The following CREB3L2 variants were observed in gnomAD, a reference collection of about 807,000 sequenced individuals.
CREB3L2 encodes cyclic AMP-responsive element-binding protein 3-like protein 2.
In CREB3L2, 23 loss-of-function variants were observed where a neutral mutation model predicts 57.2. The observed-to-expected ratio is 0.40, with a 90% CI of 0.29 to 0.57. The LOEUF is 0.57. Ranked by LOEUF, CREB3L2 falls within the 20% of genes least tolerant of loss-of-function variation. The pLI is 0.42. For missense variants in CREB3L2, 628 were observed against 634.7 expected, an observed-to-expected ratio of 0.99 and a Z score of 0.11; for synonymous variants, 268 against 265.1, an observed-to-expected ratio of 1.01 and a Z score of -0.11.
At chr7:137,942,527 A>G (rs902619827) in intron 1 of CREB3L2, among the ~76,000 whole-genome samples, 1 of 152,194 alleles carries the variant, frequency 6.6e-6, no homozygotes, top group Non-Finnish European at 1.5e-5. Context: ...TGGAGCTTCA[A>G]TTCTTCAACT....
rs1802086543 is a variant in CREB3L2, at chr7:138,001,913, A to T, written c.-208T>A. On this transcript the variant is annotated 5_prime_UTR_variant, in exon 1 of 12. Coordinates refer to ENST00000330387, the MANE Select transcript of CREB3L2 (RefSeq NM_194071.4). This position sits in a 1 kb window ranked among gnomAD's most constrained non-coding sequence, Gnocchi z 4.2. ...CCCGTCCGGTGTCCTCGGAGATCCGAGAATCCCCAGGGACACGAGCCGGAC... is the reference window on the plus strand; with the variant it reads ...CCCGTCCGGTGTCCTCGGAGATCCGTGAATCCCCAGGGACACGAGCCGGAC... 2.2e-6 allele frequency: 1 copy of T among 455,938 alleles called. No individual in the cohort carries two copies. Among genetic ancestry groups the T allele is most frequent in the African/African-American group, 2.0e-5 (1 of 49,448 alleles). 28.2% of individuals were successfully genotyped at this position (455,938 alleles called of 1,614,324 possible). A position where few individuals can be genotyped will look rare whatever the true frequency, so the allele number is the denominator to read the frequency against.
chr7:137,909,117 G>T (rs967781075), intron 4 of CREB3L2, among the ~76,000 whole-genome samples: 1 of 152,162 alleles, frequency 6.6e-6, no homozygotes, highest in East Asian at 1.9e-4. Flanking sequence ...CGGAGTGGCT[G>T]CTTTGAAAAA....
At chr7:137,954,059 C>T (rs1018151373) in intron 1 of CREB3L2, among the ~76,000 whole-genome samples, 1 of 152,126 alleles carries the variant, frequency 6.6e-6, no homozygotes, top group Non-Finnish European at 1.5e-5. Context: ...GAGAGGCTAC[C>T]TCTCTGCATG....
intron 1 of CREB3L2, among the ~76,000 whole-genome samples, chr7:137,943,820 C>T (rs1250750303): frequency 1.3e-5 from 2 of 152,108 alleles, no homozygotes; most frequent in Non-Finnish European, 2.9e-5. Context: ...TGGTAACATC[C>T]CCCTTTCCCA....
chr7:137,928,476 C>T, intron 1 of CREB3L2, 110 bp from the exon 2 acceptor site: 1 of 833,090 alleles, frequency 1.2e-6, no homozygotes, highest in Non-Finnish European at 2.0e-6. Context: ...GTCCCTTCTA[C>T]ACACACAATG....
At chr7:137,898,247 AG>A (rs1799667059) in intron 8 of CREB3L2, among the ~76,000 whole-genome samples, 2 of 152,258 alleles carry the variant, frequency 1.3e-5, no homozygotes, top group Non-Finnish European at 2.9e-5. Flanking sequence ...ATTATAAAAA[AG>A]ACAAGGCGCG....
chr7:137,902,691 T>C (rs1799789019), intron 7 of CREB3L2, among the ~76,000 whole-genome samples: 1 of 152,208 alleles, frequency 6.6e-6, no homozygotes, highest in Admixed American at 6.5e-5. Flanking sequence ...CTCCAGTATA[T>C]GTTAATCATC....
chr7:137,903,485 G>T (rs992790802), intron 7 of CREB3L2, among the ~76,000 whole-genome samples: 14 of 147,808 alleles, frequency 9.5e-5, no homozygotes, highest in Non-Finnish European at 2.1e-4. Flanking sequence ...AAGTGTTTTT[G>T]CAAAAAAAAA....
chr7:137,899,153 G>GAAGGAAGA (rs1563244078), intron 8 of CREB3L2, among the ~76,000 whole-genome samples: 2 of 110,592 alleles, frequency 1.8e-5, no homozygotes, highest in Admixed American at 1.0e-4. Context: ...AGGAAGGAAG[G>GAAGGAAGA]AAGGAAGGAA....
At chr7:137,906,678 C>T (rs1400098626) in intron 5 of CREB3L2, among the ~76,000 whole-genome samples, 3 of 152,176 alleles carry the variant, frequency 2.0e-5, no homozygotes, top group Admixed American at 2.0e-4. Context: ...ATAATTCCCA[C>T]GTGTTGTGGG....
At chr7:137,954,810 G>A (rs1240034276) in intron 1 of CREB3L2, among the ~76,000 whole-genome samples, 1 of 152,162 alleles carries the variant, frequency 6.6e-6, no homozygotes, top group Non-Finnish European at 1.5e-5. Flanking sequence ...TGGTTGTAAA[G>A]TTCCACATCC....
chr7:137,986,920 C>T (rs1801801929), intron 1 of CREB3L2, among the ~76,000 whole-genome samples: 2 of 152,342 alleles, frequency 1.3e-5, no homozygotes, highest in South Asian at 2.1e-4. Context: ...TGCCTTAGAA[C>T]ATGATGCCTC....
rs1198017360 is a variant in CREB3L2 at position 137,878,975 on chromosome 7, A to G, written c.*1501T>C. On this transcript the variant is annotated 3_prime_UTR_variant, in exon 12 of 12. Coordinates refer to ENST00000330387, the MANE Select transcript of CREB3L2 (RefSeq NM_194071.4). ...AGAGAGAGAGGGAGAGAGAGAAGCC[A>G]AAACCAAAGGCATTTCAGCTGCTAA... 2.4e-6 allele frequency: 1 copy of G among 416,510 alleles called. No homozygotes were observed. Among genetic ancestry groups the G allele is most frequent in the African/African-American group, 2.0e-5 (1 of 49,304 alleles). The allele number at this position is 416,510 out of a possible 1,614,324, so 25.8% of individuals were successfully genotyped here.
At chr7:137,948,182 T>TA (rs1431715274) in intron 1 of CREB3L2, among the ~76,000 whole-genome samples, 4 of 152,238 alleles carry the variant, frequency 2.6e-5, no homozygotes, top group African/African-American at 9.6e-5. Flanking sequence ...TCAGCTAAGA[T>TA]ATATTCAAAA....
At chr7:137,889,250 C>A (rs1191085819) in intron 8 of CREB3L2, among the ~76,000 whole-genome samples, 1 of 152,138 alleles carries the variant, frequency 6.6e-6, no homozygotes, top group Non-Finnish European at 1.5e-5. Context: ...ACCTGAAGCC[C>A]ACTGAAAGAA....
rs901500034 is a variant in CREB3L2, at chr7:137,888,745, C to T, written c.1044-3243G>A. On this transcript the variant is annotated intron_variant, in intron 8 of 11. Transcript: ENST00000330387. ...AGCTATGAAAAGCGGTCTCCTGTTC[C>T]CCTGGCCTGCTCAAGAGCTACTTCT... 7.2e-5 allele frequency among the ~76,000 whole-genome samples: 11 copies of T among 152,004 alleles called. 2 individuals carry two copies. Among genetic ancestry groups the T allele is most frequent in the Non-Finnish European group, 1.6e-4 (11 of 67,952 alleles).
rs12155324 is a variant in CREB3L2 at position 137,980,892 on chromosome 7, G to A, written c.102+20712C>T. ...CTCCACAATGTGACCCCCCTTTGTC[G>A]CCAGCTACTCCATACATTTAGAAAG... On this transcript the variant is annotated intron_variant, in intron 1 of 11. Transcript: ENST00000330387. The surrounding 1 kb of genome is among the most constrained non-coding windows in gnomAD (Gnocchi z 4.3). Among the ~76,000 whole-genome samples the A allele has an allele frequency of 0.18, 27,055 of 152,052 alleles. 3,028 individuals carry two copies. The highest frequency in any genetic ancestry group is 0.24 in the Non-Finnish European group (16,482 of 67,970).
At chr7:137,972,714 T>A (rs566050084) in intron 1 of CREB3L2, among the ~76,000 whole-genome samples, 5,028 of 23,914 alleles carry the variant, frequency 0.21, 600 homozygotes, top group African/African-American at 0.33. Flanking sequence ...AAAAAAAAAA[T>A]ATATATATAT....
At position 137,922,410 on chromosome 7, in the gene CREB3L2, A is replaced by ATG. The variant is rs1554498019; in HGVS notation, c.319+5739_319+5740insCA. ...TATATATATATATATATATATATAT[A>ATG]TATATGTATATATATATATATATAT... On this transcript the variant is annotated intron_variant, in intron 2 of 11. Transcript: ENST00000330387. Among the ~76,000 whole-genome samples, 96 of 25,802 alleles carry ATG rather than the reference A, an allele frequency of 3.7e-3. 3 individuals are homozygous for ATG. The highest frequency in any genetic ancestry group is 0.013 in the Admixed American group (23 of 1,772). 16.9% of individuals were successfully genotyped at this position (25,802 alleles called of 152,430 possible).
Sources: gnomAD v4.1 joint callset for allele counts (sites outside exome capture counted in the v4.1 genomes callset) on GRCh38, gnomAD v4.1.1 for gene constraint, Gnocchi (gnomAD v3.1) non-coding constraint, MANE v1.5 for transcripts, NCBI Gene and HGNC (gene_info 2026-07-23, HGNC 2026-07-21) for gene names.